Variants in GTF2F2 observed in about 807,000 individuals in gnomAD.
GTF2F2 encodes general transcription factor IIF subunit 2.
In GTF2F2, 23 loss-of-function variants were observed where a neutral mutation model predicts 42.2. The observed-to-expected ratio is 0.55, with a 90% CI of 0.39 to 0.77. The LOEUF is 0.77. Among genes scored for constraint, GTF2F2 ranks in the 30% least tolerant of loss-of-function variants. The pLI is 0.00. For synonymous variants in GTF2F2, 105 were observed against 100.8 expected (o/e 1.04, Z -0.25); for missense variants, 261 against 287.2 (o/e 0.91, Z 0.66).
chr13:45,255,546 G>A (rs911942592), intron 6 of GTF2F2, among the ~76,000 whole-genome samples: 2 of 152,200 alleles, frequency 1.3e-5, no homozygotes, highest in Non-Finnish European at 2.9e-5. Flanking sequence ...AGATGATCCA[G>A]AAGAGGTATT....
chr13:45,245,939 CAAA>C (rs562692270), intron 5 of GTF2F2, among the ~76,000 whole-genome samples: 4 of 74,804 alleles, frequency 5.3e-5, no homozygotes, highest in Non-Finnish European at 5.5e-5. Flanking sequence ...GACTCCATCT[CAAA>C]AAAAAAAAAA....
intron 1 of GTF2F2, among the ~76,000 whole-genome samples, chr13:45,128,654 T>C (rs1281482774): frequency 6.6e-6 from 1 of 151,760 alleles, no homozygotes; most frequent in Non-Finnish European, 1.5e-5. Flanking sequence ...TGCAGTGGCA[T>C]GTGATCATGA....
At chr13:45,262,588 C>G (rs1001494007) in intron 6 of GTF2F2, among the ~76,000 whole-genome samples, 4 of 151,772 alleles carry the variant, frequency 2.6e-5, no homozygotes, top group African/African-American at 7.3e-5. Flanking sequence ...CCACCACACC[C>G]AGCTAATTTT....
intron 4 of GTF2F2, among the ~76,000 whole-genome samples, chr13:45,180,890 G>C (rs1028575099): frequency 6.6e-6 from 1 of 152,008 alleles, no homozygotes; most frequent in Non-Finnish European, 1.5e-5. Flanking sequence ...ATCTGGGCGT[G>C]GTGGGTCACG....
intron 5 of GTF2F2, among the ~76,000 whole-genome samples, chr13:45,218,746 G>T (rs1351071520): frequency 1.3e-5 from 2 of 152,146 alleles, no homozygotes; most frequent in Admixed American, 6.5e-5. Flanking sequence ...AATTGATGGG[G>T]TGCCGAATGG....
At chr13:45,177,874 C>T (rs539249252) in intron 4 of GTF2F2, among the ~76,000 whole-genome samples, 1 of 152,204 alleles carries the variant, frequency 6.6e-6, no homozygotes, top group Admixed American at 6.5e-5. Flanking sequence ...CTGAAAGAGT[C>T]CACAGTCTTG....
intron 1 of GTF2F2, among the ~76,000 whole-genome samples, chr13:45,121,471 C>CT (rs1392795466): frequency 6.6e-6 from 1 of 152,206 alleles, no homozygotes; most frequent in Non-Finnish European, 1.5e-5. Flanking sequence ...TTTCTTAATG[C>CT]TTTAACTGTT....
At chr13:45,177,793 G>A (rs945293383) in intron 4 of GTF2F2, among the ~76,000 whole-genome samples, 5 of 152,110 alleles carry the variant, frequency 3.3e-5, no homozygotes, top group Admixed American at 3.3e-4. Flanking sequence ...TCTTTCATTC[G>A]TAAAATTGTG....
At chr13:45,272,637 T>C (rs1162321996) in intron 7 of GTF2F2, among the ~76,000 whole-genome samples, 1 of 151,018 alleles carries the variant, frequency 6.6e-6, no homozygotes, top group South Asian at 2.1e-4. Context: ...CCAGCTACTC[T>C]GGAGGCTGAG....
intron 7 of GTF2F2, among the ~76,000 whole-genome samples, chr13:45,272,888 T>G (rs2138270595): frequency 6.6e-6 from 1 of 150,644 alleles, no homozygotes; most frequent in Middle Eastern, 3.4e-3. Context: ...CTTGAGTAGT[T>G]AGGACTACAG....
intron 5 of GTF2F2, among the ~76,000 whole-genome samples, chr13:45,226,639 G>T (rs1874370194): frequency 6.6e-6 from 1 of 151,816 alleles, no homozygotes; most frequent in African/African-American, 2.4e-5. Flanking sequence ...CCAAATTTTA[G>T]AACACTTTTT....
At chr13:45,239,458 T>A (rs763680586) in intron 5 of GTF2F2, among the ~76,000 whole-genome samples, 2 of 152,176 alleles carry the variant, frequency 1.3e-5, no homozygotes, top group Non-Finnish European at 2.9e-5. Context: ...TTACAGTGTT[T>A]CTTTGAAAAA....
intron 4 of GTF2F2, among the ~76,000 whole-genome samples, chr13:45,164,628 G>A (rs1224295797): frequency 6.6e-6 from 1 of 151,806 alleles, no homozygotes; most frequent in Non-Finnish European, 1.5e-5. Flanking sequence ...GGAGGCTCAG[G>A]TGGGAGGATC....
intron 7 of GTF2F2, among the ~76,000 whole-genome samples, chr13:45,275,599 A>G (rs1876999956): frequency 6.6e-6 from 1 of 151,986 alleles, no homozygotes; most frequent in African/African-American, 2.4e-5. Flanking sequence ...GATGGTTTCC[A>G]GCTTCATCCA....
intron 7 of GTF2F2, among the ~76,000 whole-genome samples, chr13:45,271,109 G>A (rs1876771678): frequency 1.3e-5 from 2 of 151,964 alleles, no homozygotes; most frequent in South Asian, 4.2e-4. Context: ...TGGCTAACAC[G>A]GTGAAACCCC....
At chr13:45,190,581 G>A (rs1476054644) in intron 4 of GTF2F2, among the ~76,000 whole-genome samples, 1 of 152,018 alleles carries the variant, frequency 6.6e-6, no homozygotes, top group Non-Finnish European at 1.5e-5. Flanking sequence ...TCAGTAAAAA[G>A]GAAAGAATAA....
intron 4 of GTF2F2, among the ~76,000 whole-genome samples, chr13:45,184,127 C>T (rs1415969161): frequency 6.6e-6 from 1 of 152,030 alleles, no homozygotes. Context: ...AAGTGAGCGA[C>T]TGCACCTGGC....
At position 45,283,475 on chromosome 13, in the gene GTF2F2, G is replaced by T. The variant is rs570952244; in HGVS notation, c.664G>T (p.Val222Phe). Residue 222 changes from valine (V) to phenylalanine (F), a missense_variant, in exon 8 of 8, where the codon GTT (valine) becomes TTT (phenylalanine). Transcript: ENST00000340473. ...YLKEILKEIGVQNVKGIHKNT... is the reference protein window; with the variant it reads ...YLKEILKEIGFQNVKGIHKNT... ...GAAGGAAATCTTAAAAGAAATTGGT[G>T]TTCAGAATGTAAAAGGGATCCACAA... The T allele has an allele frequency of 6.2e-7, 1 of 1,611,622 alleles. No homozygotes were observed. The highest frequency in any genetic ancestry group is 1.3e-5 in the African/African-American group (1 of 74,938).
At chr13:45,279,075 A>G (rs1877152901) in intron 7 of GTF2F2, among the ~76,000 whole-genome samples, 1 of 151,864 alleles carries the variant, frequency 6.6e-6, no homozygotes. Flanking sequence ...CACCCGCCTC[A>G]GCCTCCCAAA....
Sources: allele counts gnomAD v4.1 joint callset (sites outside exome capture counted in the v4.1 genomes callset), GRCh38; gene constraint gnomAD v4.1.1; transcripts MANE v1.5; gene names NCBI Gene and HGNC (gene_info 2026-07-23, HGNC 2026-07-21).